The following KAZN variants were observed in gnomAD, a reference collection of about 807,000 sequenced individuals.
KAZN encodes kazrin.
A neutral mutation model predicts 87.4 loss-of-function variants in KAZN; 40 were observed. The ratio of observed to expected loss-of-function variants is 0.46; its 90% CI spans 0.36 to 0.60. The LOEUF (loss-of-function observed/expected upper bound fraction) is 0.60, where lower values mean the gene tolerates loss of function less well. KAZN is among the 20% of genes least tolerant of loss of function. The pLI, the probability that KAZN is intolerant of heterozygous loss-of-function variation, is 0.00. For synonymous variants in KAZN, 466 were observed against 458.3 expected (o/e 1.02, Z -0.22); for missense variants, 898 against 1,073.9 (o/e 0.84, Z 2.29).
intron 2 of KAZN, among the ~76,000 whole-genome samples, chr1:14,469,363 A>G (rs1281919513): frequency 3.3e-5 from 5 of 152,242 alleles, no homozygotes; most frequent in African/African-American, 1.2e-4. Flanking sequence ...ATGAAAAACC[A>G]GTCCCCACAC....
chr1:14,378,651 C>T (rs138120457), intron 2 of KAZN, among the ~76,000 whole-genome samples: 2 of 152,182 alleles, frequency 1.3e-5, no homozygotes, highest in African/African-American at 4.8e-5. Flanking sequence ...AATGCAAAAC[C>T]AAGCTGAACT....
intron 2 of KAZN, among the ~76,000 whole-genome samples, chr1:14,565,569 G>T (rs147733485): frequency 3.3e-5 from 5 of 152,204 alleles, no homozygotes; most frequent in Admixed American, 3.3e-4. Context: ...CCTTCCTTTC[G>T]TTAAAGATTT....
At chr1:14,960,646 A>T in intron 1 of KAZN, 38 bp from the exon 2 acceptor site, 1 of 1,539,700 alleles carries the variant, frequency 6.5e-7, no homozygotes, top group Non-Finnish European at 8.8e-7. Flanking sequence ...AGCGGCAGAG[A>T]CGTTCCTGTC....
At chr1:14,104,347 G>A (rs552098685) in intron 1 of KAZN, among the ~76,000 whole-genome samples, 2 of 152,284 alleles carry the variant, frequency 1.3e-5, no homozygotes, top group South Asian at 2.1e-4. Flanking sequence ...TTAGCCAAGC[G>A]GTTATCCACT....
intron 1 of KAZN, among the ~76,000 whole-genome samples, chr1:13,925,292 G>A (rs1570294915): frequency 6.6e-6 from 1 of 152,298 alleles, no homozygotes; most frequent in Admixed American, 6.5e-5. Context: ...GGCTGGTATA[G>A]TTCTTTATAC....
rs144257899 is a variant in KAZN at position 14,413,956 on chromosome 1, G to A, written c.250-185027G>A. Among the ~76,000 whole-genome samples, 48 of 152,308 alleles carry A rather than the reference G, an allele frequency of 3.2e-4. No individual in the cohort carries two copies. In the East Asian group the frequency reaches 9.1e-3, roughly 29 times the overall value. ...ATATAAAAAATGTTTGACCTCATTA[G>A]TAATCAGGGAAGTGCAAAGTAAAAC... On this transcript the variant is annotated intron_variant, in intron 2 of 16. Transcript: ENST00000636203.
chr1:14,300,699 A>G (rs1253238275), intron 2 of KAZN, among the ~76,000 whole-genome samples: 3 of 152,204 alleles, frequency 2.0e-5, no homozygotes, highest in African/African-American at 7.2e-5. Context: ...TGGCCATGTT[A>G]ACAGAGAAAG....
At chr1:14,637,666 T>C (rs1354628203) in intron 1 of KAZN, among the ~76,000 whole-genome samples, 1 of 152,086 alleles carries the variant, frequency 6.6e-6, no homozygotes, top group Non-Finnish European at 1.5e-5. Context: ...GTTCCTTTGG[T>C]GATTGTATGG....
chr1:14,196,742 T>C (rs1355384984), intron 2 of KAZN, among the ~76,000 whole-genome samples: 1 of 152,028 alleles, frequency 6.6e-6, no homozygotes, highest in Non-Finnish European at 1.5e-5. Context: ...TACAAAGTTA[T>C]GTGATGGGGT....
In KAZN at chr1:14,674,970, T is replaced by C. The variant is rs531394400; in HGVS notation, c.226+75747T>C. On this transcript the variant is annotated intron_variant, in intron 1 of 14. Transcript: ENST00000376030. ...CCCAGCTATTTTTATTTTATTTTTG[T>C]AGGAACAAAATCTTACTGTGTTGCC... 2.6e-5 allele frequency among the ~76,000 whole-genome samples: 4 copies of C among 152,242 alleles called. No homozygotes were observed. In the South Asian group the frequency reaches 8.3e-4, roughly 32 times the overall value.
At chr1:14,814,198 C>T (rs1266317486) in intron 1 of KAZN, among the ~76,000 whole-genome samples, 1 of 152,122 alleles carries the variant, frequency 6.6e-6, no homozygotes, top group Non-Finnish European at 1.5e-5. Flanking sequence ...GTGAATATGA[C>T]ACATGGTCAA....
intron 2 of KAZN, chr1:14,180,597 A>C (rs1190703526): frequency 2.6e-6 from 4 of 1,546,768 alleles, no homozygotes; most frequent in Non-Finnish European, 3.5e-6. Context: ...GCTCAGGTAC[A>C]AAGATCAATA....
chr1:14,634,243 C>T (rs1679796191), intron 1 of KAZN, among the ~76,000 whole-genome samples: 1 of 152,188 alleles, frequency 6.6e-6, no homozygotes, highest in South Asian at 2.1e-4. Context: ...ATTCCTTCCC[C>T]AAGAACCCTG....
intron 1 of KAZN, among the ~76,000 whole-genome samples, chr1:13,965,924 C>A (rs951127238): frequency 3.3e-5 from 5 of 152,178 alleles, no homozygotes; most frequent in Non-Finnish European, 5.9e-5. Flanking sequence ...GCTGAACGTC[C>A]TCCTGCAAGA....
At chr1:14,908,897 C>T (rs1049553953) in intron 1 of KAZN, among the ~76,000 whole-genome samples, 3 of 152,032 alleles carry the variant, frequency 2.0e-5, no homozygotes, top group African/African-American at 7.2e-5. Context: ...CGCCTGTAAT[C>T]CCAGCTACTT....
chr1:14,385,221 T>C lies in KAZN; in HGVS notation c.249+204629T>C, dbSNP rs183833989. 6.9e-4 allele frequency among the ~76,000 whole-genome samples: 105 copies of C among 152,322 alleles called. 1 individual carries two copies. The highest frequency in any genetic ancestry group is 5.2e-3 in the Admixed American group (79 of 15,308). On this transcript the variant is annotated intron_variant, in intron 2 of 16. Transcript: ENST00000636203. ...TTCTTCTTTTTTTCTTTATTAGTCT[T>C]GCTAGCGGTCTATTAATTTTGTTGA...
chr1:13,930,324 C>G (rs1442379192), intron 1 of KAZN, among the ~76,000 whole-genome samples: 1 of 152,186 alleles, frequency 6.6e-6, no homozygotes, highest in East Asian at 1.9e-4. Flanking sequence ...GACCTGAACC[C>G]CACCTGTAGC....
At chr1:14,726,863 C>T (rs1042502892) in intron 1 of KAZN, among the ~76,000 whole-genome samples, 31 of 152,200 alleles carry the variant, frequency 2.0e-4, no homozygotes, top group Admixed American at 2.0e-3. Flanking sequence ...CATGCACGCT[C>T]AGCTTTGAGA....
intron 2 of KAZN, among the ~76,000 whole-genome samples, chr1:14,230,083 G>C (rs1279398310): frequency 6.6e-6 from 1 of 152,238 alleles, no homozygotes. Flanking sequence ...AATGTGGCTT[G>C]CGTGACCAAG....
Sources: allele counts gnomAD v4.1 joint callset (sites outside exome capture counted in the v4.1 genomes callset), GRCh38; gene constraint gnomAD v4.1.1; transcripts MANE v1.5; gene names NCBI Gene and HGNC (gene_info 2026-07-23, HGNC 2026-07-21).